Variants in FBN3 observed in about 807,000 individuals in gnomAD.
FBN3 encodes the protein fibrillin 3.
Under a neutral mutation model 330.1 loss-of-function variants are expected in FBN3, and 234 were observed. The observed-to-expected ratio is 0.71, with a 90% CI of 0.64 to 0.79. FBN3 has a LOEUF of 0.79. Among genes scored for constraint, FBN3 ranks in the 30% least tolerant of loss-of-function variants. The probability of loss-of-function intolerance (pLI) is 0.00; values close to 1 mark genes in which losing one functional copy is unlikely to be tolerated. For missense variants in FBN3, 3,606 were observed against 3,886.9 expected, an observed-to-expected ratio of 0.93 and a Z score of 1.92; for synonymous variants, 1,458 against 1,517.3, an observed-to-expected ratio of 0.96 and a Z score of 0.91.
rs1474121499 is a variant in FBN3 at position 8,135,930 on chromosome 19, G to A, written c.1591+31C>T. The A allele has an allele frequency of 2.7e-5, 32 of 1,168,606 alleles. No individual in the cohort carries two copies. In the Admixed American group the frequency reaches 7.5e-4, roughly 27 times the overall value. 72.4% of individuals were successfully genotyped at this position (1,168,606 alleles called of 1,614,324 possible). A position where few individuals can be genotyped will look rare whatever the true frequency, so the allele number is the denominator to read the frequency against. ...AAAAGGCAGCTAGTGGGGCCCGGAA[G>A]CCCCTGCCCACCCGCCCACCCCCAA... On this transcript the variant is annotated intron_variant, in intron 13 of 63. Coordinates refer to ENST00000600128, the MANE Select transcript of FBN3 (RefSeq NM_032447.5).
chr19:8,072,091 G>T lies in FBN3; in HGVS notation c.8045C>A (p.Ser2682Tyr). The stretch of plus-strand genomic sequence containing the variant: ...ACTGCGTCGTGGCCGGTCCCGAGGG[G>T]AGAGGCCATTGATCTTGCATTCGTA... ...ACYECKINGL[S>Y]PRDRPRRSAH... Residue 2682 changes from serine (S) to tyrosine (Y), a missense_variant, in exon 63 of 64, where the codon TCC becomes TAC. Coordinates refer to ENST00000600128, the MANE Select transcript of FBN3 (RefSeq NM_032447.5). The T allele has an allele frequency of 6.2e-7, 1 of 1,612,756 alleles. No homozygotes were observed. Among genetic ancestry groups the T allele is most frequent in the Non-Finnish European group, 8.5e-7 (1 of 1,179,736 alleles).
intron 8 of FBN3, among the ~76,000 whole-genome samples, chr19:8,140,678 C>G (rs964780142): frequency 3.3e-5 from 5 of 152,026 alleles, no homozygotes; most frequent in African/African-American, 1.2e-4. Flanking sequence ...GAAACTGAGG[C>G]ACAGAGCGGT....
chr19:8,138,089 C>G, intron 10 of FBN3, 52 bp downstream of exon 10: 1 of 1,521,858 alleles, frequency 6.6e-7, no homozygotes, highest in Non-Finnish European at 8.8e-7. Flanking sequence ...CTCCCCAGAT[C>G]CAGGACCATC....
chr19:8,068,532 C>T (rs925850062), intron 63 of FBN3, among the ~76,000 whole-genome samples: 1 of 151,700 alleles, frequency 6.6e-6, no homozygotes, highest in South Asian at 2.1e-4. Context: ...CCCGTCTCTA[C>T]AAAAAATACA....
intron 25 of FBN3, among the ~76,000 whole-genome samples, chr19:8,120,452 G>C (rs1004833714): frequency 6.6e-6 from 1 of 150,456 alleles, no homozygotes; most frequent in Non-Finnish European, 1.5e-5. Context: ...TTACAGGCAT[G>C]AGCCACCATG....
intron 63 of FBN3, among the ~76,000 whole-genome samples, chr19:8,070,693 A>G (rs1415309964): frequency 6.6e-6 from 1 of 152,202 alleles, no homozygotes; most frequent in Admixed American, 6.6e-5. Context: ...CTAACCTCTC[A>G]GAGCCTCAGT....
At position 8,129,414 on chromosome 19, in the gene FBN3, C is replaced by T. The variant is rs780901220; in HGVS notation, c.2045-49G>A. 5.0e-6 allele frequency: 8 copies of T among 1,603,958 alleles called. No homozygotes were observed. The highest frequency in any genetic ancestry group is 3.4e-4 in the Middle Eastern group (2 of 5,938). On this transcript the variant is annotated intron_variant, in intron 16 of 63. Transcript: ENST00000600128. This position sits in a 1 kb window ranked among gnomAD's most constrained non-coding sequence, Gnocchi z 4.5. ...AGCAGCAGCAGAAGGAGGGTGTGTC[C>T]GAGGCAGGAGGAGGGTGTGTCGCGG...
rs557671451 is a variant in FBN3 at position 8,143,497 on chromosome 19, C to CTTTTTT, written c.542-1366_542-1361dup. Among the ~76,000 whole-genome samples, 279 of 126,062 alleles carry CTTTTTT rather than the reference C, an allele frequency of 2.2e-3. 8 individuals carry two copies. Among genetic ancestry groups the CTTTTTT allele is most frequent in the African/African-American group, 7.4e-3 (236 of 31,884 alleles). The allele number at this position is 126,062 out of a possible 152,430, so 82.7% of individuals were successfully genotyped here. A position where few individuals can be genotyped will look rare whatever the true frequency, so the allele number is the denominator to read the frequency against. ...CCGTTCTCCTTTTTTCTTTTCTTTT[C>CTTTTTT]TTTTTTTTTTTTTTTTTGAGACAGG... On this transcript the variant is annotated intron_variant, in intron 6 of 63. Transcript: ENST00000600128.
At position 8,109,596 on chromosome 19, in the gene FBN3, C is replaced by T. The variant is rs1181818036; in HGVS notation, c.4456+35G>A. ...GCAATCCCACCCACCTCTGCTGACC[C>T]CAGAACCCTGATCTGGAGTTGAGCA... On this transcript the variant is annotated intron_variant, in intron 35 of 63. Transcript: ENST00000600128. The surrounding 1 kb of genome is among the most constrained non-coding windows in gnomAD (Gnocchi z 5.2). 6.4e-7 allele frequency: 1 copy of T among 1,573,990 alleles called. No homozygotes were observed. Among genetic ancestry groups the T allele is most frequent in the African/African-American group, 1.3e-5 (1 of 74,132 alleles).
At chr19:8,103,364 T>C (rs934880431) in intron 39 of FBN3, among the ~76,000 whole-genome samples, 198 bp downstream of exon 39, 4 of 152,138 alleles carry the variant, frequency 2.6e-5, no homozygotes, top group Admixed American at 2.0e-4. Context: ...TCAGCCTTTT[T>C]TGAGCAGTGC....
rs945897981 is a variant in FBN3 at position 8,075,443 on chromosome 19, T to A, written c.7454-32A>T. 3.8e-6 allele frequency: 6 copies of A among 1,597,800 alleles called. No homozygotes were observed. In the African/African-American group the frequency reaches 6.7e-5, roughly 18 times the overall value. On this transcript the variant is annotated intron_variant, in intron 59 of 63. Coordinates refer to ENST00000600128, the MANE Select transcript of FBN3 (RefSeq NM_032447.5). ...AGGAGAGAGATCAGGCAGGGTTGCC[T>A]GCTGGTTAAGGAACTCGTGTCAGGT...
chr19:8,135,936 G>GGGGGGGGGGGGGGCCGC, intron 13 of FBN3, 25 bp downstream of exon 13: 1 of 668,776 alleles, frequency 1.5e-6, no homozygotes, highest in Non-Finnish European at 2.4e-6. Context: ...GGAAGCCCCT[G>GGGGGGGGGGGGGGCCGC]CCCACCCGCC....
Position 8,089,678 on chromosome 19 carries a change from T to C in FBN3, c.6251-8A>G. On this transcript the variant is annotated splice_polypyrimidine_tract_variant and splice_region_variant and intron_variant, in intron 50 of 63. Transcript: ENST00000600128. ...CTGCACACTCATTCACGTCTGCGGA[T>C]GGCAGGCGTTGCAGACATGGCTTCT... 1 of 1,613,862 alleles carries C rather than the reference T, an allele frequency of 6.2e-7. No homozygotes were observed. Among genetic ancestry groups the C allele is most frequent in the Non-Finnish European group, 8.5e-7 (1 of 1,179,872 alleles).
In FBN3 at chr19:8,115,569, C is replaced by G. The variant is rs1282232471; in HGVS notation, c.3784G>C (p.Val1262Leu). 1 of 1,614,104 alleles carries G rather than the reference C, an allele frequency of 6.2e-7. No homozygotes were observed. Among genetic ancestry groups the G allele is most frequent in the Admixed American group, 1.7e-5 (1 of 60,016 alleles). Residue 1262 changes from valine (V) to leucine (L), a missense_variant, in exon 30 of 64, where the codon GTC (valine) becomes CTC (leucine). Val to Leu is a conservative substitution (Grantham distance 32, BLOSUM62 1). Transcript: ENST00000600128. Reference protein sequence around the residue: ...GDCENTKGSFVCHCQLGYMVR... With the variant: ...GDCENTKGSFLCHCQLGYMVR... ...ATGTAGCCCAGCTGACAGTGGCAGA[C>G]AAAGGAACCCTTCGTGTTCTCGCAG...
Position 8,146,205 on chromosome 19 carries a change from C to T in FBN3, c.271G>A (p.Gly91Ser), listed in dbSNP as rs527237169. Reference protein sequence around the residue: ...CVVPICRRACGEGFCSQPNLC... With the variant: ...CVVPICRRACSEGFCSQPNLC... The stretch of plus-strand genomic sequence containing the variant: ...TTGGGCTGGGAGCAGAAGCCTTCAC[C>T]GCAGGCGCGCCTACAGATGGCTGGA... Residue 91 changes from glycine (G) to serine (S), a missense_variant, in exon 4 of 64, where the codon GGT (glycine) becomes AGT (serine). Gly to Ser is a moderately conservative substitution (Grantham distance 56). Coordinates refer to ENST00000600128, the MANE Select transcript of FBN3 (RefSeq NM_032447.5). 2.9e-5 allele frequency: 46 copies of T among 1,597,410 alleles called. No homozygotes were observed. Among genetic ancestry groups the T allele is most frequent in the African/African-American group, 1.5e-4 (11 of 74,834 alleles).
At chr19:8,071,987 G>A (rs1193651768) in intron 63 of FBN3, 61 bp downstream of exon 63, 1 of 1,521,244 alleles carries the variant, frequency 6.6e-7, no homozygotes. Flanking sequence ...CGGGTCCACA[G>A]CCTCTTTCCC....
In FBN3 at chr19:8,082,426, T is replaced by TTC. The variant is rs959823798; in HGVS notation, c.7213+819_7213+820dup. Among the ~76,000 whole-genome samples the TTC allele has an allele frequency of 1.3e-4, 19 of 150,616 alleles. 1 individual carries two copies. The South Asian group carries it at 2.5e-3, about 20-fold the overall frequency. On this transcript the variant is annotated intron_variant, in intron 57 of 63. Transcript: ENST00000600128. ...CTTTCTCCCCTTTCTCTTTGTTTCTTTCTCTCTCTCTCTCTTCCTTCCTTC... is the reference window on the plus strand; with the variant it reads ...CTTTCTCCCCTTTCTCTTTGTTTCTTTCTCTCTCTCTCTCTCTTCCTTCCTTC...
At chr19:8,073,534 G>A (rs1413722874) in intron 61 of FBN3, among the ~76,000 whole-genome samples, 1 of 152,192 alleles carries the variant, frequency 6.6e-6, no homozygotes, top group South Asian at 2.1e-4. Flanking sequence ...CCAAAATGTG[G>A]GATGATCTAG....
chr19:8,134,016 G>T (rs2083217342), intron 13 of FBN3, among the ~76,000 whole-genome samples: 1 of 150,940 alleles, frequency 6.6e-6, no homozygotes, highest in Non-Finnish European at 1.5e-5. Flanking sequence ...CACGAGGTCA[G>T]GAGATCGAGA....
Sources: allele counts gnomAD v4.1 joint callset (sites outside exome capture counted in the v4.1 genomes callset), GRCh38; gene constraint gnomAD v4.1.1; non-coding constraint Gnocchi (gnomAD v3.1); transcripts MANE v1.5; gene names NCBI Gene and HGNC (gene_info 2026-07-23, HGNC 2026-07-21).